PHIP: variants seen among roughly 807,000 people sequenced by gnomAD.
The protein encoded by PHIP is PH-interacting protein.
Under a neutral mutation model 236.8 loss-of-function variants are expected in PHIP, and 54 were observed. That is an observed-to-expected ratio of 0.23 (90% CI 0.18 to 0.29). The LOEUF is 0.29. Among genes scored for constraint, PHIP ranks in the 10% least tolerant of loss-of-function variants. PHIP has a pLI of 1.00. For synonymous variants in PHIP, 756 were observed against 718.9 expected, an observed-to-expected ratio of 1.05 and a Z score of -0.83; for missense variants, 1,370 against 2,190.8, an observed-to-expected ratio of 0.63 and a Z score of 7.48.
At chr6:79,043,997 T>C (rs1772351803) in intron 6 of PHIP, among the ~76,000 whole-genome samples, 1 of 151,934 alleles carries the variant, frequency 6.6e-6, no homozygotes, top group Admixed American at 6.6e-5. Flanking sequence ...CATAAATATA[T>C]TGGTTGTATT....
At chr6:78,956,917 T>C (rs931920682) in intron 32 of PHIP, 2 of 152,078 alleles carry the variant, frequency 1.3e-5, no homozygotes, top group Non-Finnish European at 2.9e-5. Context: ...ATTAAAAGGA[T>C]CCATCACATT....
At position 78,970,693 on chromosome 6, in the gene PHIP, A is replaced by ATT; in HGVS notation, c.2997+86_2997+87dup. On this transcript the variant is annotated intron_variant, in intron 25 of 39. Transcript: ENST00000275034. ...AGGTATCTTCATGATGCAGTTTCTT[A>ATT]TTGTGTTAATAGTAACCTTTGATAC... 3 of 792,440 alleles carry ATT rather than the reference A, an allele frequency of 3.8e-6. No homozygotes were observed. The South Asian group carries it at 5.3e-5, about 14-fold the overall frequency. The allele number at this position is 792,440 out of a possible 1,614,324, so 49.1% of individuals were successfully genotyped here.
chr6:79,005,869 T>C (rs2127734523), intron 15 of PHIP, among the ~76,000 whole-genome samples: 1 of 151,990 alleles, frequency 6.6e-6, no homozygotes, highest in East Asian at 1.9e-4. Flanking sequence ...CTATTATTTA[T>C]CAATGTTGCC....
At chr6:79,003,688 T>TAAA in intron 16 of PHIP, 42 bp downstream of exon 16, 1 of 1,314,242 alleles carries the variant, frequency 7.6e-7, no homozygotes, top group African/African-American at 1.5e-5. Flanking sequence ...AAACATGCAT[T>TAAA]AAAAAAAAAT....
chr6:79,027,643 T>C (rs1169800389), intron 7 of PHIP, among the ~76,000 whole-genome samples: 1 of 152,140 alleles, frequency 6.6e-6, no homozygotes, highest in Non-Finnish European at 1.5e-5. Context: ...GTCCTATGTA[T>C]TATATAGGAC....
intron 35 of PHIP, among the ~76,000 whole-genome samples, chr6:78,952,426 A>G (rs1291968777): frequency 1.9e-3 from 270 of 140,556 alleles, no homozygotes; most frequent in African/African-American, 6.2e-3. Context: ...CCAAAAAAAA[A>G]AGAAAAAAAA....
At chr6:78,967,301 T>C (rs1355068799) in intron 27 of PHIP, among the ~76,000 whole-genome samples, 1 of 152,170 alleles carries the variant, frequency 6.6e-6, no homozygotes, top group Non-Finnish European at 1.5e-5. Context: ...AAAGCTACTA[T>C]ATAGTTTAAT....
intron 31 of PHIP, 85 bp downstream of exon 31, chr6:78,961,605 G>C (rs1766785306): frequency 1.4e-6 from 2 of 1,388,956 alleles, no homozygotes; most frequent in Non-Finnish European, 2.0e-6. Context: ...TATACAAAAA[G>C]TTGAGAAACA....
rs375582785 is a variant in PHIP at position 78,963,259 on chromosome 6, T to C, written c.3380-7A>G. 6.9e-6 allele frequency: 11 copies of C among 1,595,518 alleles called. No individual in the cohort carries two copies. The Middle Eastern group carries it at 5.0e-4, about 72-fold the overall frequency. Reference sequence around the variant, plus strand: ...AGTTCTTCAGGAAATACAGCTGAAATAGAAAAGCAGATCATTGCAAATACA... The same window carrying C: ...AGTTCTTCAGGAAATACAGCTGAAACAGAAAAGCAGATCATTGCAAATACA... On this transcript the variant is annotated splice_polypyrimidine_tract_variant and splice_region_variant and intron_variant, in intron 29 of 39. Coordinates refer to ENST00000275034, the MANE Select transcript of PHIP (RefSeq NM_017934.7).
intron 6 of PHIP, among the ~76,000 whole-genome samples, chr6:79,052,155 G>A (rs965497288): frequency 2.6e-5 from 4 of 152,104 alleles, no homozygotes; most frequent in Non-Finnish European, 4.4e-5. Context: ...TATAGCAAAA[G>A]GGTTCTAAAC....
chr6:79,029,047 T>C lies in PHIP; in HGVS notation c.601-2883A>G, dbSNP rs1024213277. Reference sequence around the variant, plus strand: ...ATTTAGTTATCTTACCACTTTAGTATTGCTTGATTAAATTTGCTCTTTTTA... The same window carrying C: ...ATTTAGTTATCTTACCACTTTAGTACTGCTTGATTAAATTTGCTCTTTTTA... On this transcript the variant is annotated intron_variant, in intron 7 of 39. Coordinates refer to ENST00000275034, the MANE Select transcript of PHIP (RefSeq NM_017934.7). 6.6e-5 allele frequency among the ~76,000 whole-genome samples: 10 copies of C among 152,338 alleles called. No individual in the cohort carries two copies. In the East Asian group the frequency reaches 1.2e-3, roughly 18 times the overall value.
chr6:78,950,953 CT>C (rs1257732543), intron 35 of PHIP, among the ~76,000 whole-genome samples: 1 of 152,042 alleles, frequency 6.6e-6, no homozygotes, highest in Non-Finnish European at 1.5e-5. Context: ...GAAACTTCTC[CT>C]TTTCTGCTGT....
In PHIP at chr6:78,983,142, G is replaced by A. The variant is rs946388216; in HGVS notation, c.2538-25C>T. ...ACTAGAAGGAGAGAAGGGATTATTAGATAACACACAAGATAAAATTTTAAG... is the reference window on the plus strand; with the variant it reads ...ACTAGAAGGAGAGAAGGGATTATTAAATAACACACAAGATAAAATTTTAAG... On this transcript the variant is annotated intron_variant, in intron 22 of 39. Coordinates refer to ENST00000275034, the MANE Select transcript of PHIP (RefSeq NM_017934.7). 2.5e-6 allele frequency: 3 copies of A among 1,210,736 alleles called. No individual in the cohort carries two copies. In the Admixed American group the frequency reaches 7.3e-5, roughly 30 times the overall value. 75.0% of individuals were successfully genotyped at this position (1,210,736 alleles called of 1,614,324 possible).
At position 79,078,019 on chromosome 6, in the gene PHIP, C is replaced by G. The variant is rs569815862; in HGVS notation, c.40+10G>C. On this transcript the variant is annotated intron_variant, in intron 1 of 39. Transcript: ENST00000275034. ...CCGGTGCCAGCGGCCCCGGCAGCCC[C>G]CCGACTTACCCGATCGCAGCTCCGA... The G allele has an allele frequency of 3.5e-5, 57 of 1,608,752 alleles. No homozygotes were observed. The highest frequency in any genetic ancestry group is 4.2e-5 in the Non-Finnish European group (50 of 1,179,264).
Position 78,937,599 on chromosome 6 carries a change from T to G in PHIP, c.*3094A>C, listed in dbSNP as rs1474908505. On this transcript the variant is annotated 3_prime_UTR_variant, in exon 40 of 40. Transcript: ENST00000275034. ...ATTCCACATACTTATTTACTTGGATTGGAGGAAGACAGTTTTATAATAATG... is the reference window on the plus strand; with the variant it reads ...ATTCCACATACTTATTTACTTGGATGGGAGGAAGACAGTTTTATAATAATG... 1 of 151,740 alleles carries G rather than the reference T, an allele frequency of 6.6e-6. No individual in the cohort carries two copies. The allele number at this position is 151,740 out of a possible 1,614,324, so 9.4% of individuals were successfully genotyped here.
intron 9 of PHIP, among the ~76,000 whole-genome samples, chr6:79,024,120 C>A (rs1771269180): frequency 6.6e-6 from 1 of 152,090 alleles, no homozygotes; most frequent in African/African-American, 2.4e-5. Context: ...AATCTTTTTT[C>A]AAATGAAGTA....
chr6:78,934,873 T>C lies in PHIP; in HGVS notation c.*5820A>G, dbSNP rs1038855934. The stretch of plus-strand genomic sequence containing the variant: ...AGTTCATTACACTGTGCTGCCAGTA[T>C]GTCTAACCAATTAGGTAGAAAGGTA... On this transcript the variant is annotated 3_prime_UTR_variant, in exon 40 of 40. Transcript: ENST00000275034. Among the ~76,000 whole-genome samples, 12 of 152,210 alleles carry C rather than the reference T, an allele frequency of 7.9e-5. No individual in the cohort carries two copies. In the South Asian group the frequency reaches 2.3e-3, roughly 29 times the overall value.
chr6:79,066,406 A>G (rs891294377), intron 4 of PHIP, among the ~76,000 whole-genome samples: 30 of 152,302 alleles, frequency 2.0e-4, no homozygotes, highest in African/African-American at 6.0e-4. Context: ...ATTTAAAAAG[A>G]TATTGAGACC....
chr6:79,053,349 C>G (rs924685835), intron 6 of PHIP, among the ~76,000 whole-genome samples: 24 of 152,036 alleles, frequency 1.6e-4, no homozygotes, highest in African/African-American at 5.8e-4. Flanking sequence ...GTAGGGTTAT[C>G]TTAAAGAGTT....
Sources: gnomAD v4.1 joint callset for allele counts (sites outside exome capture counted in the v4.1 genomes callset) on GRCh38, gnomAD v4.1.1 for gene constraint, MANE v1.5 for transcripts, NCBI Gene and HGNC (gene_info 2026-07-23, HGNC 2026-07-21) for gene names.